Variants in CBFB observed in about 807,000 individuals in gnomAD.
CBFB encodes the protein CBF-beta.
Under a neutral mutation model 30.4 loss-of-function variants are expected in CBFB, and 9 were observed. The ratio of observed to expected loss-of-function variants is 0.30; its 90% CI spans 0.18 to 0.52. The LOEUF (loss-of-function observed/expected upper bound fraction) is 0.52. Among genes scored for constraint, CBFB ranks in the 20% least tolerant of loss-of-function variants. CBFB has a pLI of 0.97. For synonymous variants in CBFB, 94 were observed against 84.0 expected (o/e 1.12, Z -0.65); for missense variants, 170 against 244.0 (o/e 0.70, Z 2.02).
Position 67,098,750 on chromosome 16 carries a change from G to A in CBFB, c.536G>A (p.Gly179Asp), listed in dbSNP as rs1201143978. 7.5e-6 allele frequency: 12 copies of A among 1,609,524 alleles called. No individual in the cohort carries two copies. The highest frequency in any genetic ancestry group is 2.2e-5 in the East Asian group (1 of 44,856). The change falls in exon 6 of 6, where the codon GGT becomes GAT. Residue 179 changes from glycine to aspartate, a missense_variant. By Grantham distance (94) the Gly-to-Asp change is moderately conservative. Coordinates refer to ENST00000412916, the MANE Select transcript of CBFB (RefSeq NM_022845.3). ...GACCCTAGTCCTGGTTCCAATTTAG[G>A]TGGTGGTGATGACCTCAAACTTCGT... ...QQDPSPGSNLGGGDDLKLR is the reference protein window; with the variant it reads ...QQDPSPGSNLDGGDDLKLR
intron 5 of CBFB, among the ~76,000 whole-genome samples, chr16:67,095,240 T>G (rs1457095540): frequency 4.9e-5 from 6 of 121,988 alleles, no homozygotes; most frequent in South Asian, 2.8e-4. Context: ...AAAAAAAGGC[T>G]GGGCACGGTG....
At chr16:67,061,353 A>G (rs1166292225) in intron 3 of CBFB, among the ~76,000 whole-genome samples, 1 of 152,216 alleles carries the variant, frequency 6.6e-6, no homozygotes, top group Non-Finnish European at 1.5e-5. Flanking sequence ...TTTGTATAAA[A>G]TATTTCATTG....
At chr16:67,030,597 GTTGA>G (rs1471172993) in intron 2 of CBFB, among the ~76,000 whole-genome samples, 2 of 152,054 alleles carry the variant, frequency 1.3e-5, no homozygotes, top group Non-Finnish European at 2.9e-5. Flanking sequence ...AAGAAAAGAG[GTTGA>G]TTATTACTAT....
Position 67,086,413 on chromosome 16 carries a change from G to T in CBFB, c.495+4105G>T, listed in dbSNP as rs13330874. On this transcript the variant is annotated intron_variant, in intron 5 of 5. Transcript: ENST00000412916. ...TGTAGCACTTTTTATTTCTACTAGTGTTCTTATTGAACAACATGTTGAAAC... is the reference window on the plus strand; with the variant it reads ...TGTAGCACTTTTTATTTCTACTAGTTTTCTTATTGAACAACATGTTGAAAC... 3.3e-3 allele frequency among the ~76,000 whole-genome samples: 501 copies of T among 152,226 alleles called. 3 individuals carry two copies. Among genetic ancestry groups the T allele is most frequent in the African/African-American group, 0.011 (477 of 41,532 alleles).
chr16:67,087,398 A>AT (rs981717945), intron 5 of CBFB, among the ~76,000 whole-genome samples: 17 of 151,774 alleles, frequency 1.1e-4, no homozygotes, highest in African/African-American at 4.1e-4. Context: ...TCTACAAAAA[A>AT]TTTAAAAACT....
intron 2 of CBFB, among the ~76,000 whole-genome samples, chr16:67,033,264 C>T (rs1180978778): frequency 6.6e-6 from 1 of 152,190 alleles, no homozygotes; most frequent in African/African-American, 2.4e-5. Flanking sequence ...TTATTTTATG[C>T]CAATTGAGTT....
chr16:67,050,869 T>C (rs1358578131), intron 3 of CBFB, among the ~76,000 whole-genome samples: 2 of 152,186 alleles, frequency 1.3e-5, no homozygotes, highest in African/African-American at 2.4e-5. Context: ...ATTAAGGTTA[T>C]TTGAACATAA....
chr16:67,082,862 GT>G (rs1176587795), intron 5 of CBFB, among the ~76,000 whole-genome samples: 2 of 152,090 alleles, frequency 1.3e-5, no homozygotes, highest in Non-Finnish European at 2.9e-5. Flanking sequence ...TAACAAATCT[GT>G]AGCTTCCTTT....
intron 3 of CBFB, among the ~76,000 whole-genome samples, chr16:67,065,301 T>A (rs1031400579): frequency 2.0e-5 from 3 of 152,246 alleles, no homozygotes; most frequent in African/African-American, 4.8e-5. Context: ...GGTACTTTTT[T>A]AAACTGCAGT....
chr16:67,030,496 GA>G (rs892948222), intron 2 of CBFB, among the ~76,000 whole-genome samples: 4 of 149,078 alleles, frequency 2.7e-5, no homozygotes, highest in African/African-American at 7.4e-5. Context: ...ACCTTGGGTT[GA>G]AAAAAAAAAT....
At position 67,062,488 on chromosome 16, in the gene CBFB, A is replaced by G. The variant is rs745360780; in HGVS notation, c.283-4194A>G. 2.7e-5 allele frequency among the ~76,000 whole-genome samples: 4 copies of G among 150,316 alleles called. No homozygotes were observed. The East Asian group carries it at 6.1e-4, about 23-fold the overall frequency. On this transcript the variant is annotated intron_variant, in intron 3 of 5. Coordinates refer to ENST00000412916, the MANE Select transcript of CBFB (RefSeq NM_022845.3). ...CCCAGCCAGGAAAATATTTTTGACT[A>G]TGGACATTAATATGAATAAGCTGGC...
At chr16:67,064,898 C>T (rs75056057) in intron 3 of CBFB, among the ~76,000 whole-genome samples, 1 of 151,234 alleles carries the variant, frequency 6.6e-6, no homozygotes, top group Middle Eastern at 3.4e-3. Context: ...TCTTTTTTTT[C>T]TCTCTCTTTT....
At chr16:67,058,186 G>C (rs1364152772) in intron 3 of CBFB, among the ~76,000 whole-genome samples, 1 of 152,068 alleles carries the variant, frequency 6.6e-6, no homozygotes, top group Non-Finnish European at 1.5e-5. Flanking sequence ...TGTCGCCCAG[G>C]CTGGAGTGCA....
intron 4 of CBFB, among the ~76,000 whole-genome samples, chr16:67,077,771 G>A (rs1419898012): frequency 1.3e-5 from 2 of 152,208 alleles, no homozygotes; most frequent in Admixed American, 6.5e-5. Flanking sequence ...TGTAGATTTA[G>A]ACAATAAATA....
At chr16:67,074,542 C>G (rs149505466) in intron 4 of CBFB, among the ~76,000 whole-genome samples, 4 of 152,094 alleles carry the variant, frequency 2.6e-5, no homozygotes, top group Non-Finnish European at 5.9e-5. Flanking sequence ...GCCATCATAC[C>G]CTGCTAATTT....
intron 3 of CBFB, among the ~76,000 whole-genome samples, chr16:67,051,491 T>TAC (rs1205670330): frequency 6.6e-6 from 1 of 151,994 alleles, no homozygotes; most frequent in Non-Finnish European, 1.5e-5. Flanking sequence ...TATATATATG[T>TAC]ACACACACAC....
chr16:67,029,476 C>T lies in CBFB; in HGVS notation c.69C>T (p.Arg23=), dbSNP rs545327734. 94 of 1,589,816 alleles carry T rather than the reference C, an allele frequency of 5.9e-5. No individual in the cohort carries two copies. The Middle Eastern group carries it at 2.7e-3, about 46-fold the overall frequency. The change falls in exon 1 of 6, where the codon CGC becomes CGT. Residue 23 remains arginine, a synonymous_variant. Transcript: ENST00000412916. ...AGGAGTTTTTTAGGAAGCTGAGCCG[C>T]GAGTGTGAGGTGAGGCAGGCGGGCG... is the stretch of plus-strand genomic sequence containing the variant. ...ENEEFFRKLS[R]ECEIKYTGFR... is the part of the protein sequence containing the mutation.
chr16:67,076,363 C>A (rs541719343), intron 4 of CBFB, among the ~76,000 whole-genome samples: 2 of 152,252 alleles, frequency 1.3e-5, no homozygotes, highest in South Asian at 4.1e-4. Context: ...TATTGCACTT[C>A]AGCCTGGGCA....
At chr16:67,089,586 G>A (rs1961827469) in intron 5 of CBFB, among the ~76,000 whole-genome samples, 1 of 152,132 alleles carries the variant, frequency 6.6e-6, no homozygotes, top group Non-Finnish European at 1.5e-5. Flanking sequence ...ATTTGAAATT[G>A]TATACAGAGC....
Sources: allele counts gnomAD v4.1 joint callset (sites outside exome capture counted in the v4.1 genomes callset), GRCh38; gene constraint gnomAD v4.1.1; transcripts MANE v1.5; gene names NCBI Gene and HGNC (gene_info 2026-07-23, HGNC 2026-07-21).